The following LRRC37A2 variants were observed in gnomAD, a reference collection of about 807,000 sequenced individuals.
LRRC37A2 encodes the protein leucine rich repeat containing 37 member A2.
LRRC37A2 carries 9 observed loss-of-function variants against 68.8 expected under a neutral mutation model. The observed-to-expected ratio is 0.13, with a 90% confidence interval of 0.08 to 0.23. LRRC37A2 has a LOEUF of 0.23. Ranked by LOEUF, LRRC37A2 falls within the 10% of genes least tolerant of loss-of-function variation. The pLI is 1.00. For synonymous variants in LRRC37A2, 63 were observed against 367.6 expected, an observed-to-expected ratio of 0.17 and a Z score of 9.48; for missense variants, 168 against 950.4, an observed-to-expected ratio of 0.18 and a Z score of 10.82.
chr17:46,932,286 G>C, the LRRC37A2 span: 4 of 1,525,764 alleles, frequency 2.6e-6, no homozygotes, highest in South Asian at 2.2e-5. Context: ...TCTGTTTTGG[G>C]GGTGTCTGAA....
At chr17:47,027,439 A>T in the LRRC37A2 span, 1 of 575,370 alleles carries the variant, frequency 1.7e-6, no homozygotes, top group Non-Finnish European at 3.2e-6. Context: ...ACAAGTCCAA[A>T]CGTTTAGAGT....
At chr17:46,818,296 T>C in the LRRC37A2 span, among the ~76,000 whole-genome samples, 1 of 150,428 alleles carries the variant, frequency 6.6e-6, no homozygotes, top group Non-Finnish European at 1.5e-5. Context: ...CTCCAGCCCC[T>C]GCAGCGGGGA....
chr17:46,713,774 G>T, the LRRC37A2 span: 2 of 1,410,684 alleles, frequency 1.4e-6, no homozygotes, highest in Non-Finnish European at 2.0e-6. Flanking sequence ...AGTATGTTCT[G>T]GATAAAAGTT....
chr17:46,891,881 C>A, the LRRC37A2 span, among the ~76,000 whole-genome samples: 1 of 150,996 alleles, frequency 6.6e-6, no homozygotes, highest in African/African-American at 2.4e-5. Context: ...CCAAGTTCCT[C>A]CTTTTACTCT....
chr17:46,768,335 C>T, the LRRC37A2 span: 7 of 1,613,706 alleles, frequency 4.3e-6, no homozygotes, highest in Non-Finnish European at 4.2e-6. The surrounding 1 kb of genome is among the most constrained non-coding windows in gnomAD (Gnocchi z 5.0). Flanking sequence ...TGCAGGTGTG[C>T]ACGTCGTAGA....
chr17:46,920,927 G>C, the LRRC37A2 span, among the ~76,000 whole-genome samples: 1 of 152,108 alleles, frequency 6.6e-6, no homozygotes, highest in Non-Finnish European at 1.5e-5. Context: ...CCATGATAAA[G>C]GAAGTCCCTT....
the LRRC37A2 span, chr17:46,833,448 T>C: frequency 2.0e-6 from 1 of 511,438 alleles, no homozygotes; most frequent in South Asian, 1.4e-5. Context: ...AAGGTGAGTG[T>C]TAGGGAGGAA....
At chr17:46,756,161 GA>G in the LRRC37A2 span, 1 of 216,832 alleles carries the variant, frequency 4.6e-6, no homozygotes, top group African/African-American at 2.3e-5. Flanking sequence ...CATCACCCTT[GA>G]AAACTCTCAG....
At chr17:46,497,254 C>T in the LRRC37A2 span, among the ~76,000 whole-genome samples, 1 of 141,270 alleles carries the variant, frequency 7.1e-6, no homozygotes, top group African/African-American at 2.8e-5. Flanking sequence ...TGTAATCTGA[C>T]AGCGTCTTTT....
chr17:47,032,993 C>G, the LRRC37A2 span, among the ~76,000 whole-genome samples: 16,905 of 151,542 alleles, frequency 0.11, 787 homozygotes, highest in South Asian at 0.22. Flanking sequence ...AAGGTGGGTG[C>G]ATCACTTGAG....
chr17:46,709,122 C>A, the LRRC37A2 span, among the ~76,000 whole-genome samples: 1 of 152,054 alleles, frequency 6.6e-6, no homozygotes, highest in African/African-American at 2.4e-5. Context: ...TGCACCTGGC[C>A]TGTTATATAT....
the LRRC37A2 span, chr17:46,941,981 CTTG>C: frequency 5.1e-6 from 5 of 982,900 alleles, no homozygotes; most frequent in East Asian, 1.1e-4. Context: ...AAGAGCAAAA[CTTG>C]TTAAGTCCAA....
chr17:46,493,522 CTTT>C, the LRRC37A2 span, among the ~76,000 whole-genome samples: 5,211 of 119,282 alleles, frequency 0.044, 683 homozygotes, highest in African/African-American at 0.16. Context: ...TGTTATTCTT[CTTT>C]TATTTTATTT....
chr17:46,769,136 G>A, the LRRC37A2 span, among the ~76,000 whole-genome samples: 33 of 152,162 alleles, frequency 2.2e-4, no homozygotes, highest in Admixed American at 1.2e-3. Context: ...GGCCAACATG[G>A]CGAAACCCCG....
At chr17:47,021,086 A>G in the LRRC37A2 span, among the ~76,000 whole-genome samples, 1 of 152,236 alleles carries the variant, frequency 6.6e-6, no homozygotes, top group East Asian at 1.9e-4. Flanking sequence ...TGAGGGAGCA[A>G]TGAAGATATG....
the LRRC37A2 span, among the ~76,000 whole-genome samples, chr17:46,956,418 G>A: frequency 6.6e-6 from 1 of 151,388 alleles, no homozygotes; most frequent in African/African-American, 2.4e-5. Context: ...AGCCTCCCGA[G>A]TAGCTGGGAT....
chr17:46,831,747 T>G, the LRRC37A2 span, among the ~76,000 whole-genome samples: 1 of 152,188 alleles, frequency 6.6e-6, no homozygotes, highest in Non-Finnish European at 1.5e-5. Flanking sequence ...GGTTCCAGCT[T>G]CAGCTTTCTC....
chr17:46,392,413 C>T, the LRRC37A2 span, among the ~76,000 whole-genome samples: 37 of 44,842 alleles, frequency 8.3e-4, 1 homozygote, highest in African/African-American at 1.3e-3. Flanking sequence ...CTTTCTTTCT[C>T]TCTCTCTCTT....
At chr17:46,718,358 G>C in the LRRC37A2 span, among the ~76,000 whole-genome samples, 2 of 152,000 alleles carry the variant, frequency 1.3e-5, no homozygotes, top group Non-Finnish European at 2.9e-5. Flanking sequence ...ATTATGTATA[G>C]ATCAAAATAA....
Sources: allele counts gnomAD v4.1 joint callset (sites outside exome capture counted in the v4.1 genomes callset), GRCh38; gene constraint gnomAD v4.1.1; non-coding constraint Gnocchi (gnomAD v3.1); transcripts MANE v1.5; gene names NCBI Gene and HGNC (gene_info 2026-07-23, HGNC 2026-07-21).